The following ATP2A2 variants were observed in gnomAD, a reference collection of about 807,000 sequenced individuals.
The protein encoded by ATP2A2 is sarcoplasmic/endoplasmic reticulum calcium ATPase 2.
In ATP2A2, 14 loss-of-function variants were observed where a neutral mutation model predicts 109.3. That is an observed-to-expected ratio of 0.13 (90% CI 0.08 to 0.20). The LOEUF is 0.20. Ranked by LOEUF, ATP2A2 falls within the 10% of genes least tolerant of loss-of-function variation. The pLI, the probability that ATP2A2 is intolerant of heterozygous loss-of-function variation, is 1.00. For synonymous variants in ATP2A2, 506 were observed against 490.9 expected, an observed-to-expected ratio of 1.03 and a Z score of -0.41; for missense variants, 657 against 1,321.6, an observed-to-expected ratio of 0.50 and a Z score of 7.80.
intron 18 of ATP2A2, 169 bp downstream of exon 18, chr12:110,345,551 GAAGT>G: frequency 1.9e-6 from 2 of 1,041,828 alleles, no homozygotes; most frequent in Non-Finnish European, 2.9e-6. Flanking sequence ...TCACCTCCAG[GAAGT>G]AGTGGGAGTG....
At chr12:110,326,327 GAGGTTCT>G in intron 6 of ATP2A2, 56 bp from the exon 7 acceptor site, 1 of 1,451,718 alleles carries the variant, frequency 6.9e-7, no homozygotes, top group East Asian at 2.3e-5. Flanking sequence ...GCATGAATGA[GAGGTTCT>G]AGGTTCTTGG....
chr12:110,333,372 T>C, intron 10 of ATP2A2, 89 bp downstream of exon 10: 1 of 1,263,124 alleles, frequency 7.9e-7, no homozygotes. Context: ...CTTCCTCCCT[T>C]TTGAAAGTCA....
chr12:110,303,614 G>A (rs1212710880), intron 5 of ATP2A2, among the ~76,000 whole-genome samples: 1 of 152,094 alleles, frequency 6.6e-6, no homozygotes, highest in African/African-American at 2.4e-5. Flanking sequence ...GTTTCACCGT[G>A]TTGGCCAGGA....
Position 110,346,750 on chromosome 12 carries a change from T to C in ATP2A2, c.*280T>C, listed in dbSNP as rs956788005. ...AAAGCATGTACAGTGTTCTGTTTAA[T>C]ACTCATCCTTGTATAAAAAAAATAG... On this transcript the variant is annotated 3_prime_UTR_variant, in exon 20 of 20. Coordinates refer to ENST00000539276, the MANE Select transcript of ATP2A2 (RefSeq NM_170665.4). The C allele has an allele frequency of 1.8e-5, 23 of 1,255,636 alleles. No homozygotes were observed. The African/African-American group carries it at 3.1e-4, about 17-fold the overall frequency. The allele number at this position is 1,255,636 out of a possible 1,614,324, so 77.8% of individuals were successfully genotyped here. A position where few individuals can be genotyped will look rare whatever the true frequency, so the allele number is the denominator to read the frequency against.
At chr12:110,295,038 C>T (rs759958195) in intron 4 of ATP2A2, among the ~76,000 whole-genome samples, 16 of 152,214 alleles carry the variant, frequency 1.1e-4, no homozygotes, top group Non-Finnish European at 2.2e-4. Flanking sequence ...AGGCTGGTCT[C>T]GCACTCCCAA....
At chr12:110,302,744 A>G (rs1057343990) in intron 5 of ATP2A2, among the ~76,000 whole-genome samples, 1 of 152,048 alleles carries the variant, frequency 6.6e-6, no homozygotes, top group Non-Finnish European at 1.5e-5. Context: ...GCTCACCAGC[A>G]TGCACCACCA....
chr12:110,337,472 C>G (rs1174196571), intron 11 of ATP2A2, among the ~76,000 whole-genome samples: 1 of 152,230 alleles, frequency 6.6e-6, no homozygotes, highest in African/African-American at 2.4e-5. Context: ...ACTAAACACA[C>G]GTGTGATTGA....
At chr12:110,307,694 TTG>T (rs929620504) in intron 5 of ATP2A2, among the ~76,000 whole-genome samples, 45 of 152,276 alleles carry the variant, frequency 3.0e-4, no homozygotes, top group African/African-American at 1.1e-3. Context: ...AACAGTGATT[TTG>T]TGTGTGTGTT....
At chr12:110,300,541 A>C (rs1453765815) in intron 5 of ATP2A2, among the ~76,000 whole-genome samples, 2 of 149,174 alleles carry the variant, frequency 1.3e-5, no homozygotes, top group Non-Finnish European at 3.0e-5. Context: ...TTTTTAGTAG[A>C]GACAGGGTTT....
In ATP2A2 at chr12:110,345,057, A is replaced by G. The variant is rs1879714776; in HGVS notation, c.2607+86A>G. ...CTGTGGTTTCGGTATCTATCAAATC[A>G]TCTTAAGACTCAGACAATAAACAGT... On this transcript the variant is annotated intron_variant, in intron 17 of 19. Coordinates refer to ENST00000539276, the MANE Select transcript of ATP2A2 (RefSeq NM_170665.4). 1.5e-5 allele frequency: 22 copies of G among 1,512,312 alleles called. No homozygotes were observed. In the South Asian group the frequency reaches 2.5e-4, roughly 17 times the overall value. 93.7% of individuals were successfully genotyped at this position (1,512,312 alleles called of 1,614,324 possible).
intron 5 of ATP2A2, among the ~76,000 whole-genome samples, chr12:110,303,234 T>C (rs558417234): frequency 2.4e-4 from 36 of 152,296 alleles, no homozygotes; most frequent in Non-Finnish European, 4.7e-4. Context: ...ATTATTATTA[T>C]AATATTATAC....
chr12:110,343,459 T>TACACCC (rs1271875521), intron 16 of ATP2A2, 25 bp downstream of exon 16: 2 of 1,611,098 alleles, frequency 1.2e-6, no homozygotes. Context: ...TTTATATTAC[T>TACACCC]GATTTTTAAA....
chr12:110,330,272 C>G (rs1266405034), intron 8 of ATP2A2: 1 of 152,156 alleles, frequency 6.6e-6, no homozygotes, highest in East Asian at 1.9e-4. Flanking sequence ...CAGGTTCTCC[C>G]TCCCCCGCAA....
At chr12:110,304,151 C>T (rs1014214857) in intron 5 of ATP2A2, among the ~76,000 whole-genome samples, 10 of 152,166 alleles carry the variant, frequency 6.6e-5, no homozygotes, top group Non-Finnish European at 1.3e-4. Context: ...TATTTCATTC[C>T]TTACTGCTGA....
chr12:110,292,166 G>A (rs1435362444), intron 4 of ATP2A2, 42 bp downstream of exon 4: 8 of 1,376,696 alleles, frequency 5.8e-6, no homozygotes, highest in Non-Finnish European at 6.2e-6. Flanking sequence ...AATAAGTTAT[G>A]TAAGTGATTA....
intron 4 of ATP2A2, among the ~76,000 whole-genome samples, chr12:110,295,086 C>T (rs1043897584): frequency 3.3e-5 from 5 of 151,918 alleles, no homozygotes; most frequent in African/African-American, 7.3e-5. Context: ...CCCAAAGTGC[C>T]GGGATTACAG....
intron 5 of ATP2A2, among the ~76,000 whole-genome samples, chr12:110,321,000 G>A (rs185373826): frequency 1.1e-4 from 17 of 152,348 alleles, no homozygotes; most frequent in Non-Finnish European, 1.9e-4. Flanking sequence ...AGGCAAGGCA[G>A]GTGGATGCCT....
At position 110,346,669 on chromosome 12, in the gene ATP2A2, ATT is replaced by A. The variant is rs1448244031; in HGVS notation, c.*200_*201del. 1.8e-5 allele frequency: 26 copies of A among 1,444,680 alleles called. No individual in the cohort carries two copies. The highest frequency in any genetic ancestry group is 2.3e-5 in the Non-Finnish European group (25 of 1,107,918). 89.5% of individuals were successfully genotyped at this position (1,444,680 alleles called of 1,614,324 possible). On this transcript the variant is annotated 3_prime_UTR_variant, in exon 20 of 20. Coordinates refer to ENST00000539276, the MANE Select transcript of ATP2A2 (RefSeq NM_170665.4). ...TTTTATACACATAATTAAAGTGTCC[ATT>A]GACATGTACAGAGAACTAACACTAT...
Position 110,281,736 on chromosome 12 carries a change from G to T in ATP2A2, c.-54G>T. 1 of 1,323,394 alleles carries T rather than the reference G, an allele frequency of 7.6e-7. No homozygotes were observed. 82.0% of individuals were successfully genotyped at this position (1,323,394 alleles called of 1,614,324 possible). ...CGAGCCCGCGGCCGGAGTGCGAGGC[G>T]GAGGCGAGGAGGCCGCGGGGACGGG... is the stretch of plus-strand genomic sequence containing the variant. On this transcript the variant is annotated 5_prime_UTR_variant, in exon 1 of 20. Coordinates refer to ENST00000539276, the MANE Select transcript of ATP2A2 (RefSeq NM_170665.4).
Sources: allele counts gnomAD v4.1 joint callset (sites outside exome capture counted in the v4.1 genomes callset), GRCh38; gene constraint gnomAD v4.1.1; transcripts MANE v1.5; gene names NCBI Gene and HGNC (gene_info 2026-07-23, HGNC 2026-07-21).